The following PTPN2 variants were observed in gnomAD, a reference collection of about 807,000 sequenced individuals.
PTPN2 encodes tyrosine-protein phosphatase non-receptor type 2.
A neutral mutation model predicts 57.3 loss-of-function variants in PTPN2; 19 were observed. The ratio of observed to expected loss-of-function variants is 0.33; its 90% CI spans 0.23 to 0.49. PTPN2 has a LOEUF of 0.49. Among genes scored for constraint, PTPN2 ranks in the 20% least tolerant of loss-of-function variants. The probability of loss-of-function intolerance (pLI) is 0.99; values close to 1 mark genes in which losing one functional copy is unlikely to be tolerated. For missense variants in PTPN2, 358 were observed against 501.1 expected, an observed-to-expected ratio of 0.71 and a Z score of 2.73; for synonymous variants, 153 against 164.9, an observed-to-expected ratio of 0.93 and a Z score of 0.55.
intron 7 of PTPN2, among the ~76,000 whole-genome samples, chr18:12,807,586 A>AATATATATATATATATATATAT (rs1339941310): frequency 1.4e-4 from 5 of 35,186 alleles, no homozygotes; most frequent in East Asian, 1.4e-3. Flanking sequence ...AAAAAAAAAA[A>AATATATATATATATATATATAT]ATATATATAT....
intron 3 of PTPN2, among the ~76,000 whole-genome samples, chr18:12,832,843 A>C (rs588447): frequency 0.35 from 53,414 of 152,198 alleles, 11,133 homozygotes; most frequent in Middle Eastern, 0.47. Context: ...GCTGGAGTGC[A>C]ATGGCACGAC....
At chr18:12,812,776 T>C (rs567658741) in intron 7 of PTPN2, among the ~76,000 whole-genome samples, 2 of 152,280 alleles carry the variant, frequency 1.3e-5, no homozygotes, top group Non-Finnish European at 2.9e-5. Flanking sequence ...TTTCTGATCC[T>C]GAGTACCTGA....
chr18:12,858,322 T>C (rs471401), intron 2 of PTPN2, among the ~76,000 whole-genome samples: 131,968 of 152,236 alleles, frequency 0.87, 58,537 homozygotes, highest in Non-Finnish European at 0.96. Context: ...CATAGGGAAA[T>C]ATGCTGAAGC....
intron 2 of PTPN2, among the ~76,000 whole-genome samples, chr18:12,853,594 G>C (rs1217912295): frequency 1.3e-5 from 2 of 152,218 alleles, no homozygotes; most frequent in Non-Finnish European, 2.9e-5. Context: ...TCACGGGAAA[G>C]AGGTTGTTGA....
chr18:12,841,897 A>C (rs890973532), intron 2 of PTPN2, among the ~76,000 whole-genome samples: 1 of 142,568 alleles, frequency 7.0e-6, no homozygotes, highest in African/African-American at 2.5e-5. Flanking sequence ...ATAATCAGTA[A>C]GTATCTCACC....
intron 1 of PTPN2, among the ~76,000 whole-genome samples, chr18:12,874,172 C>A (rs2044382103): frequency 6.6e-6 from 1 of 151,560 alleles, no homozygotes; most frequent in Non-Finnish European, 1.5e-5. Context: ...TCAGCCCCCG[C>A]CAGGCGAGCC....
Position 12,793,429 on chromosome 18 carries a change from T to A in PTPN2, c.*849A>T. On this transcript the variant is annotated 3_prime_UTR_variant, in exon 9 of 9. Coordinates refer to ENST00000309660, the MANE Select transcript of PTPN2 (RefSeq NM_002828.4). The stretch of plus-strand genomic sequence containing the variant: ...TTTTCATGAAAAATAAACATATCAA[T>A]AATGGGATTTACAGAAACCAATTTC... The A allele has an allele frequency of 1.0e-6, 1 of 978,624 alleles. No individual in the cohort carries two copies. The highest frequency in any genetic ancestry group is 1.2e-6 in the Non-Finnish European group (1 of 823,218). 60.6% of individuals were successfully genotyped at this position (978,624 alleles called of 1,614,324 possible). A position where few individuals can be genotyped will look rare whatever the true frequency, so the allele number is the denominator to read the frequency against.
At position 12,785,946 on chromosome 18, in the gene PTPN2, A is replaced by C. The variant is rs2040834695; in HGVS notation, c.1143-102T>G. 5 of 992,990 alleles carry C rather than the reference A, an allele frequency of 5.0e-6. No individual in the cohort carries two copies. In the Admixed American group the frequency reaches 9.9e-5, roughly 20 times the overall value. The allele number at this position is 992,990 out of a possible 1,614,324, so 61.5% of individuals were successfully genotyped here. A position where few individuals can be genotyped will look rare whatever the true frequency, so the allele number is the denominator to read the frequency against. ...ATAAAAGGACTAACAATGAACTGAA[A>C]AGGTGACCAAAAATCATTCCCACAT... On this transcript the variant is annotated intron_variant, in intron 9 of 9. Coordinates refer to the PTPN2 transcript ENST00000327283.
intron 2 of PTPN2, among the ~76,000 whole-genome samples, chr18:12,847,367 A>T (rs1027159641): frequency 6.6e-6 from 1 of 152,142 alleles, no homozygotes; most frequent in African/African-American, 2.4e-5. Context: ...TCGCTCATGA[A>T]CCCTAGTTCT....
chr18:12,867,274 G>A (rs2044026780), intron 1 of PTPN2, among the ~76,000 whole-genome samples: 1 of 151,292 alleles, frequency 6.6e-6, no homozygotes, highest in African/African-American at 2.4e-5. Flanking sequence ...AGCAGTGACT[G>A]TACCACTGCA....
chr18:12,821,067 A>G (rs1404346145), intron 5 of PTPN2, among the ~76,000 whole-genome samples: 3 of 152,180 alleles, frequency 2.0e-5, no homozygotes, highest in Non-Finnish European at 2.9e-5. Context: ...ACATTTTCCA[A>G]TTATCATAAA....
intron 1 of PTPN2, among the ~76,000 whole-genome samples, chr18:12,874,281 G>A (rs1453370748): frequency 1.6e-3 from 215 of 138,030 alleles, no homozygotes; most frequent in Non-Finnish European, 2.8e-3. Flanking sequence ...CCGGCCAGCC[G>A]CCCCGTCCGG....
chr18:12,866,644 AT>A (rs1280355665), intron 1 of PTPN2, among the ~76,000 whole-genome samples: 1 of 152,018 alleles, frequency 6.6e-6, no homozygotes, highest in Non-Finnish European at 1.5e-5. Context: ...TGAAATTAAG[AT>A]TTAGTTCCAC....
intron 1 of PTPN2, among the ~76,000 whole-genome samples, chr18:12,882,161 C>G (rs1432782975): frequency 2.0e-5 from 3 of 152,214 alleles, no homozygotes; most frequent in African/African-American, 7.2e-5. Flanking sequence ...AACTTCCTGA[C>G]TTGCTTTCCA....
At chr18:12,785,943 GAAA>G in intron 9 of PTPN2, 3 of 1,059,662 alleles carry the variant, frequency 2.8e-6, no homozygotes, top group Non-Finnish European at 4.3e-6. Context: ...ACAATGAACT[GAAA>G]AGGTGACCAA....
intron 2 of PTPN2, among the ~76,000 whole-genome samples, chr18:12,854,527 G>A (rs1387990766): frequency 2.0e-5 from 3 of 152,176 alleles, no homozygotes; most frequent in Non-Finnish European, 4.4e-5. Context: ...GAAAAGGCAG[G>A]TGTGGGGCTA....
Position 12,879,142 on chromosome 18 carries a change from G to A in PTPN2, c.69+4931C>T, listed in dbSNP as rs7245341. Among the ~76,000 whole-genome samples, 920 of 152,252 alleles carry A rather than the reference G, an allele frequency of 6.0e-3. 11 individuals carry two copies. Among genetic ancestry groups the A allele is most frequent in the African/African-American group, 0.021 (884 of 41,556 alleles). The stretch of plus-strand genomic sequence containing the variant: ...CTTTTCCAACTGCACCCTTTGTTTT[G>A]CTGTTCTTGTTTTAGAGACAGGATC... On this transcript the variant is annotated intron_variant, in intron 1 of 8. Transcript: ENST00000309660.
chr18:12,807,721 C>A (rs1309780792), intron 7 of PTPN2, among the ~76,000 whole-genome samples: 4 of 150,302 alleles, frequency 2.7e-5, no homozygotes, highest in African/African-American at 7.3e-5. Flanking sequence ...TGTTCTCACT[C>A]ATATGTGGAA....
chr18:12,854,012 C>T (rs967316470), intron 2 of PTPN2, among the ~76,000 whole-genome samples: 2 of 151,994 alleles, frequency 1.3e-5, no homozygotes, highest in African/African-American at 2.4e-5. Flanking sequence ...CGAGGAAAAG[C>T]GTAGTAGGGC....
Sources: allele counts gnomAD v4.1 joint callset (sites outside exome capture counted in the v4.1 genomes callset), GRCh38; gene constraint gnomAD v4.1.1; transcripts MANE v1.5; gene names NCBI Gene and HGNC (gene_info 2026-07-23, HGNC 2026-07-21).